The following BLTP3B variants were observed in gnomAD, a reference collection of about 807,000 sequenced individuals.
BLTP3B encodes the protein UHRF1 (ICBP90) binding protein 1-like.
the BLTP3B span, chr12:100,128,473 C>G: frequency 1.1e-6 from 1 of 923,088 alleles, no homozygotes; most frequent in Non-Finnish European, 1.4e-6. Flanking sequence ...AGGTATCTGA[C>G]TAAAACAGTA....
the BLTP3B span, among the ~76,000 whole-genome samples, chr12:100,069,697 G>C: frequency 6.6e-6 from 1 of 151,930 alleles, no homozygotes; most frequent in African/African-American, 2.4e-5. Flanking sequence ...TGGACTTTGA[G>C]GACTCAGGGG....
At chr12:100,121,620 C>T in the BLTP3B span, among the ~76,000 whole-genome samples, 1 of 151,652 alleles carries the variant, frequency 6.6e-6, no homozygotes. Flanking sequence ...CACCTGAGGT[C>T]GGGAGTTTGA....
At chr12:100,106,636 CTACTTCCTGAG>C in the BLTP3B span, among the ~76,000 whole-genome samples, 2 of 152,122 alleles carry the variant, frequency 1.3e-5, no homozygotes, top group Non-Finnish European at 2.9e-5. Context: ...AGGGATGAAA[CTACTTCCTGAG>C]TACAATATAC....
At chr12:100,111,583 C>A in the BLTP3B span, among the ~76,000 whole-genome samples, 2 of 151,326 alleles carry the variant, frequency 1.3e-5, no homozygotes, top group African/African-American at 4.9e-5. Flanking sequence ...CCATGCTCAG[C>A]TAGTTTTTTG....
chr12:100,065,372 G>A, the BLTP3B span, among the ~76,000 whole-genome samples: 1 of 152,108 alleles, frequency 6.6e-6, no homozygotes, highest in South Asian at 2.1e-4. Context: ...CTGACTGCCT[G>A]CGGGGTTGAG....
At chr12:100,140,729 A>AATATATATATATATATATAT in the BLTP3B span, among the ~76,000 whole-genome samples, 14 of 61,480 alleles carry the variant, frequency 2.3e-4, no homozygotes, top group African/African-American at 1.3e-3. Flanking sequence ...AAAAAAAAAA[A>AATATATATATATATATATAT]ATATATATAT....
chr12:100,141,358 ATACACATATATATGTAG>A, the BLTP3B span, among the ~76,000 whole-genome samples: 13 of 151,994 alleles, frequency 8.6e-5, no homozygotes, highest in East Asian at 1.4e-3. Flanking sequence ...TGTGTAGTGT[ATACACATATATATGTAG>A]TACACATATA....
At chr12:100,067,803 A>C in the BLTP3B span, among the ~76,000 whole-genome samples, 1 of 152,182 alleles carries the variant, frequency 6.6e-6, no homozygotes, top group Non-Finnish European at 1.5e-5. Context: ...ACTACAAAAC[A>C]CTGCATTAAT....
the BLTP3B span, among the ~76,000 whole-genome samples, chr12:100,090,488 A>G: frequency 6.6e-6 from 1 of 152,192 alleles, no homozygotes; most frequent in South Asian, 2.1e-4. Context: ...AAAAATTAAC[A>G]ATGTTCAAAT....
At chr12:100,120,575 G>C in the BLTP3B span, among the ~76,000 whole-genome samples, 1 of 152,118 alleles carries the variant, frequency 6.6e-6, no homozygotes, top group Non-Finnish European at 1.5e-5. Context: ...ACTATACTGA[G>C]TATTGGTGAA....
the BLTP3B span, chr12:100,102,882 C>T: frequency 2.2e-6 from 3 of 1,337,668 alleles, no homozygotes; most frequent in Non-Finnish European, 3.1e-6. Flanking sequence ...AAAATATAAA[C>T]AATTAGATTA....
the BLTP3B span, among the ~76,000 whole-genome samples, chr12:100,042,308 C>G: frequency 6.6e-6 from 1 of 151,858 alleles, no homozygotes; most frequent in Admixed American, 6.6e-5. Context: ...TGCAAGGGAC[C>G]CAAAAGAGTC....
the BLTP3B span, among the ~76,000 whole-genome samples, chr12:100,100,192 C>T: frequency 6.6e-6 from 1 of 151,868 alleles, no homozygotes; most frequent in Non-Finnish European, 1.5e-5. Flanking sequence ...GTAGTCCCAG[C>T]TACTCGGGAG....
chr12:100,055,217 C>G, the BLTP3B span, among the ~76,000 whole-genome samples: 1 of 152,152 alleles, frequency 6.6e-6, no homozygotes, highest in African/African-American at 2.4e-5. Context: ...ATGCTAAACT[C>G]TACTACTTAC....
the BLTP3B span, chr12:100,108,576 T>C: frequency 6.3e-7 from 1 of 1,576,444 alleles, no homozygotes; most frequent in Admixed American, 1.8e-5. Flanking sequence ...TTGACATTTA[T>C]TTATGTGTCA....
At chr12:100,072,826 A>T in the BLTP3B span, 1 of 1,581,702 alleles carries the variant, frequency 6.3e-7, no homozygotes, top group African/African-American at 1.4e-5. Flanking sequence ...GAAAAGATAA[A>T]TAAGTTTACT....
the BLTP3B span, among the ~76,000 whole-genome samples, chr12:100,092,565 C>T: frequency 6.6e-6 from 1 of 152,096 alleles, no homozygotes; most frequent in African/African-American, 2.4e-5. Flanking sequence ...TAAGAAAATA[C>T]CTCAAAATGG....
chr12:100,090,733 CTTT>C, the BLTP3B span, among the ~76,000 whole-genome samples: 2 of 151,984 alleles, frequency 1.3e-5, no homozygotes, highest in African/African-American at 4.8e-5. Flanking sequence ...CTCCAGAAAA[CTTT>C]TTATTAATTA....
At chr12:100,072,821 G>A in the BLTP3B span, 2 of 1,581,348 alleles carry the variant, frequency 1.3e-6, no homozygotes, top group Non-Finnish European at 1.7e-6. Context: ...GACCTGAAAA[G>A]ATAAATAAGT....
Sources: gnomAD v4.1 joint callset for allele counts (sites outside exome capture counted in the v4.1 genomes callset) on GRCh38, gnomAD v4.1.1 for gene constraint, MANE v1.5 for transcripts, NCBI Gene and HGNC (gene_info 2026-07-23, HGNC 2026-07-21) for gene names.